Variants in LDLRAD4 observed in about 807,000 individuals in gnomAD.
LDLRAD4 encodes low density lipoprotein receptor class A domain containing 4.
A neutral mutation model predicts 17.0 loss-of-function variants in LDLRAD4; 5 were observed. The observed-to-expected ratio is 0.29, with a 90% CI of 0.15 to 0.62. The LOEUF (loss-of-function observed/expected upper bound fraction) is 0.62, where lower values mean the gene tolerates loss of function less well. LDLRAD4 is among the 20% of genes least tolerant of loss of function. The probability of loss-of-function intolerance (pLI) is 0.84; values close to 1 mark genes in which losing one functional copy is unlikely to be tolerated. For missense variants in LDLRAD4, 340 were observed against 424.7 expected, an observed-to-expected ratio of 0.80 and a Z score of 1.75; for synonymous variants, 168 against 171.8, an observed-to-expected ratio of 0.98 and a Z score of 0.17.
At chr18:13,355,251 A>G (rs1007708342) in intron 1 of LDLRAD4, among the ~76,000 whole-genome samples, 2 of 152,206 alleles carry the variant, frequency 1.3e-5, no homozygotes, top group Non-Finnish European at 2.9e-5. Context: ...TGGCACCCTG[A>G]CAGTGCTTAT....
intron 1 of LDLRAD4, among the ~76,000 whole-genome samples, chr18:13,363,381 G>GGCA (rs1207020711): frequency 2.0e-5 from 3 of 151,338 alleles, no homozygotes; most frequent in Non-Finnish European, 4.4e-5. Flanking sequence ...TGGTTAGGTG[G>GGCA]GCAGGCTTCA....
At chr18:13,318,228 G>A (rs1026154285) in intron 1 of LDLRAD4, among the ~76,000 whole-genome samples, 11 of 152,010 alleles carry the variant, frequency 7.2e-5, no homozygotes, top group Non-Finnish European at 1.3e-4. Context: ...TGTGGCCATC[G>A]CTGATTTCTG....
At chr18:13,641,020 G>A (rs1269016821) in intron 4 of LDLRAD4, among the ~76,000 whole-genome samples, 1 of 152,194 alleles carries the variant, frequency 6.6e-6, no homozygotes, top group Non-Finnish European at 1.5e-5. Context: ...GTTGTGTGTG[G>A]TACAAGGGAG....
chr18:13,627,404 CG>C (rs770311386), intron 4 of LDLRAD4, among the ~76,000 whole-genome samples: 11 of 152,134 alleles, frequency 7.2e-5, no homozygotes, highest in Non-Finnish European at 8.8e-5. Context: ...CTGTGCTGCC[CG>C]GGCTGTCACC....
intron 3 of LDLRAD4, among the ~76,000 whole-genome samples, chr18:13,448,609 G>T (rs1392633353): frequency 1.3e-5 from 2 of 152,036 alleles, no homozygotes; most frequent in African/African-American, 4.8e-5. Context: ...TGTGGTGGGA[G>T]TCGGGAAGGA....
At chr18:13,369,777 G>A (rs1378040429) in intron 1 of LDLRAD4, among the ~76,000 whole-genome samples, 1 of 152,198 alleles carries the variant, frequency 6.6e-6, no homozygotes, top group Non-Finnish European at 1.5e-5. Context: ...TTTCCTTGGT[G>A]TCTTTTCTTC....
At chr18:13,601,090 T>C (rs1331228843) in intron 3 of LDLRAD4, among the ~76,000 whole-genome samples, 1 of 152,218 alleles carries the variant, frequency 6.6e-6, no homozygotes, top group Non-Finnish European at 1.5e-5. Flanking sequence ...CAAGGTGTCA[T>C]CATAAAGTCC....
At chr18:13,521,315 CT>C (rs1345518763) in intron 3 of LDLRAD4, 1 of 152,190 alleles carries the variant, frequency 6.6e-6, no homozygotes, top group African/African-American at 2.4e-5. Context: ...TAATTACCTT[CT>C]TGTTAAGCAT....
At chr18:13,374,813 A>G (rs1224630861) in intron 1 of LDLRAD4, among the ~76,000 whole-genome samples, 1 of 152,160 alleles carries the variant, frequency 6.6e-6, no homozygotes, top group East Asian at 1.9e-4. Context: ...CTTCAATTAC[A>G]CAGCCCAGCT....
chr18:13,650,135 T>A (rs1328328485), exon 6 of LDLRAD4: 3 of 398,726 alleles, frequency 7.5e-6, no homozygotes, highest in Non-Finnish European at 1.3e-5. Context: ...CTCTTAGCCT[T>A]GCAGTGGTCT....
chr18:13,223,576 T>G (rs1265176744), intron 1 of LDLRAD4, among the ~76,000 whole-genome samples: 2 of 152,148 alleles, frequency 1.3e-5, no homozygotes, highest in African/African-American at 4.8e-5. Flanking sequence ...TGCAAGGGAA[T>G]TTCCATTGGA....
At chr18:13,432,503 G>A (rs1057513899) in intron 2 of LDLRAD4, among the ~76,000 whole-genome samples, 2 of 152,200 alleles carry the variant, frequency 1.3e-5, no homozygotes, top group Admixed American at 1.3e-4. Context: ...AAGCAGGAGA[G>A]TGGCTGTTTC....
chr18:13,546,561 G>T (rs1472675523), intron 3 of LDLRAD4, among the ~76,000 whole-genome samples: 1 of 151,972 alleles, frequency 6.6e-6, no homozygotes, highest in Admixed American at 6.5e-5. Flanking sequence ...TAGAGACAGG[G>T]TCTTGCTATG....
At chr18:13,556,966 C>A (rs1182625377) in intron 3 of LDLRAD4, among the ~76,000 whole-genome samples, 1 of 152,118 alleles carries the variant, frequency 6.6e-6, no homozygotes, top group East Asian at 1.9e-4. Context: ...GAAAACCAAG[C>A]TTGGACGTTA....
intron 1 of LDLRAD4, among the ~76,000 whole-genome samples, chr18:13,346,306 A>G (rs1375789732): frequency 2.6e-5 from 4 of 152,170 alleles, no homozygotes; most frequent in African/African-American, 4.8e-5. Flanking sequence ...TTCAAAGAAC[A>G]TCTTTATTTC....
chr18:13,503,131 C>T (rs143688607), intron 3 of LDLRAD4, among the ~76,000 whole-genome samples: 30 of 152,296 alleles, frequency 2.0e-4, no homozygotes, highest in African/African-American at 7.0e-4. Flanking sequence ...TGTGATAAAA[C>T]GTTTAAAGTA....
In LDLRAD4 at chr18:13,440,173, G is replaced by A. The variant is rs1427500314; in HGVS notation, c.181+1789G>A. 6.6e-6 allele frequency among the ~76,000 whole-genome samples: 1 copy of A among 152,144 alleles called. No individual in the cohort carries two copies. Among genetic ancestry groups the A allele is most frequent in the Non-Finnish European group, 1.5e-5 (1 of 68,030 alleles). ...GTTCTGGAGCCCCGGCCTCTGCTCT[G>A]GGGCGCTCCACAGGCCTCTTCTGGT... On this transcript the variant is annotated intron_variant, in intron 3 of 5. Transcript: ENST00000359446. The surrounding 1 kb of genome is among the most constrained non-coding windows in gnomAD (Gnocchi z 4.4).
In LDLRAD4 at chr18:13,250,544, G is replaced by A. The variant is rs140889419; in HGVS notation, c.-466-27561G>A. Among the ~76,000 whole-genome samples, 481 of 152,180 alleles carry A rather than the reference G, an allele frequency of 3.2e-3. 5 individuals carry two copies. The Middle Eastern group carries it at 0.034, about 11-fold the overall frequency. On this transcript the variant is annotated intron_variant, in intron 1 of 5. Coordinates refer to the LDLRAD4 transcript ENST00000399848. ...AATAAATAAAATCAGAAGTGAAAAA[G>A]TGAAACATCACAATGGATACCAGAG...
At chr18:13,644,235 T>A (rs968621271) in intron 5 of LDLRAD4, among the ~76,000 whole-genome samples, 2 of 152,084 alleles carry the variant, frequency 1.3e-5, no homozygotes, top group Non-Finnish European at 2.9e-5. Flanking sequence ...GCTTTGTATC[T>A]GCTCCACGTA....
Sources: allele counts gnomAD v4.1 joint callset (sites outside exome capture counted in the v4.1 genomes callset), GRCh38; gene constraint gnomAD v4.1.1; non-coding constraint Gnocchi (gnomAD v3.1); transcripts MANE v1.5; gene names NCBI Gene and HGNC (gene_info 2026-07-23, HGNC 2026-07-21).